ARMH4: variants seen among roughly 807,000 people sequenced by gnomAD.
The protein encoded by ARMH4 is armadillo like helical domain containing 4.
A neutral mutation model predicts 61.9 loss-of-function variants in ARMH4; 49 were observed. The ratio of observed to expected loss-of-function variants is 0.79; its 90% CI spans 0.63 to 1.00. ARMH4 has a LOEUF of 1.00. Among genes scored for constraint, ARMH4 ranks in the 50% least tolerant of loss-of-function variants. ARMH4 has a pLI of 0.00. For missense variants in ARMH4, 934 were observed against 930.0 expected (o/e 1.00, Z -0.06); for synonymous variants, 368 against 341.5 (o/e 1.08, Z -0.85).
At chr14:58,038,745 T>C (rs1407355502) in intron 5 of ARMH4, among the ~76,000 whole-genome samples, 1 of 152,190 alleles carries the variant, frequency 6.6e-6, no homozygotes, top group Admixed American at 6.5e-5. Flanking sequence ...CTGTGACAAC[T>C]ATAATGTGAT....
chr14:58,111,168 C>T (rs1886342277), intron 4 of ARMH4, among the ~76,000 whole-genome samples: 1 of 152,114 alleles, frequency 6.6e-6, no homozygotes, highest in Non-Finnish European at 1.5e-5. Context: ...TCAAGGAATG[C>T]TTTTGTCTCA....
rs1887184709 is a variant in ARMH4, at chr14:58,133,257, A to G, written c.1454T>C (p.Leu485Pro). 6.2e-7 allele frequency: 1 copy of G among 1,613,962 alleles called. No homozygotes were observed. Among genetic ancestry groups the G allele is most frequent in the Admixed American group, 1.7e-5 (1 of 59,976 alleles). Residue 485 changes from leucine (L) to proline (P), a missense_variant, in exon 3 of 8, where the codon CTC becomes CCC. Coordinates refer to ENST00000267485, the MANE Select transcript of ARMH4 (RefSeq NM_001001872.4). ...SMVTQEQVAT[L>P]ELIRDSGKTE... ...CTTGCCACTGTCTCTGATAAGCTCG[A>G]GGGTAGCAACCTGCTCTTGTGTCAC...
intron 4 of ARMH4, among the ~76,000 whole-genome samples, chr14:58,105,323 G>A (rs1456325179): frequency 6.6e-6 from 1 of 152,096 alleles, no homozygotes. Flanking sequence ...ATGGGGTCAA[G>A]GTAAAAGACA....
At chr14:58,007,597 A>G (rs1882226958) in intron 6 of ARMH4, among the ~76,000 whole-genome samples, 1 of 152,254 alleles carries the variant, frequency 6.6e-6, no homozygotes, top group Admixed American at 6.5e-5. Context: ...ATCTTAAGAT[A>G]TAATTTAACT....
intron 1 of ARMH4, among the ~76,000 whole-genome samples, chr14:58,142,408 G>A (rs1887594867): frequency 6.6e-6 from 1 of 152,144 alleles, no homozygotes; most frequent in South Asian, 2.1e-4. Flanking sequence ...CATGGCTGAA[G>A]ACAAAAAGAA....
chr14:58,125,809 G>C (rs1394200181), intron 4 of ARMH4, among the ~76,000 whole-genome samples: 1 of 152,172 alleles, frequency 6.6e-6, no homozygotes, highest in East Asian at 1.9e-4. Context: ...TTCCTGTTGA[G>C]AGCGGGGACT....
intron 5 of ARMH4, among the ~76,000 whole-genome samples, chr14:58,085,406 A>C (rs953661764): frequency 6.6e-6 from 1 of 151,698 alleles, no homozygotes; most frequent in South Asian, 2.1e-4. Context: ...TATTTCAATA[A>C]TTCCCCAACT....
At chr14:58,101,572 C>A (rs548473294) in intron 4 of ARMH4, 1 of 151,846 alleles carries the variant, frequency 6.6e-6, no homozygotes, top group African/African-American at 2.4e-5. Context: ...AGGTAATAGT[C>A]AATCCATAAA....
At chr14:58,004,953 C>A (rs1882106808) in intron 7 of ARMH4, 95 bp downstream of exon 7, 2 of 1,572,940 alleles carry the variant, frequency 1.3e-6, no homozygotes, top group East Asian at 2.2e-5. Context: ...CAATACCACC[C>A]AAGCATCATT....
chr14:58,128,065 C>A (rs941745234), intron 4 of ARMH4, among the ~76,000 whole-genome samples: 1 of 152,130 alleles, frequency 6.6e-6, no homozygotes, highest in Non-Finnish European at 1.5e-5. Flanking sequence ...GATTAATTTC[C>A]ATCTTCCATG....
chr14:58,047,718 GAAGT>G (rs1883989602), intron 5 of ARMH4, among the ~76,000 whole-genome samples: 1 of 152,166 alleles, frequency 6.6e-6, no homozygotes, highest in African/African-American at 2.4e-5. Context: ...CCTGCTCCAA[GAAGT>G]AAGAATCTGA....
chr14:58,053,252 C>T (rs1034155653), intron 5 of ARMH4, among the ~76,000 whole-genome samples: 4 of 152,230 alleles, frequency 2.6e-5, no homozygotes, highest in African/African-American at 9.6e-5. Context: ...TCAAGGAGAA[C>T]ATTAGCATAT....
intron 4 of ARMH4, among the ~76,000 whole-genome samples, chr14:58,127,675 A>G (rs1252743048): frequency 1.3e-5 from 2 of 152,314 alleles, no homozygotes; most frequent in African/African-American, 4.8e-5. Context: ...CAGATGAGGA[A>G]CACTGGAATT....
chr14:58,075,500 G>A lies in ARMH4; in HGVS notation c.2089+21224C>T, dbSNP rs1384703110. Among the ~76,000 whole-genome samples, 7 of 152,040 alleles carry A rather than the reference G, an allele frequency of 4.6e-5. No homozygotes were observed. In the East Asian group the frequency reaches 1.2e-3, roughly 25 times the overall value. On this transcript the variant is annotated intron_variant, in intron 5 of 7. Coordinates refer to ENST00000267485, the MANE Select transcript of ARMH4 (RefSeq NM_001001872.4). ...GCATCATTCTCAGCAAACTAACACA[G>A]GAACAGAAAACCAAACACCACATGT...
intron 5 of ARMH4, among the ~76,000 whole-genome samples, chr14:58,043,270 T>A (rs112537957): frequency 5.2e-4 from 79 of 152,256 alleles, no homozygotes; most frequent in African/African-American, 1.8e-3. Context: ...TCAAGTGGGC[T>A]TCATCCCTGG....
rs1032297706 is a variant in ARMH4 at position 58,011,767 on chromosome 14, A to G, written c.2121+352T>C. ...CACACCTAGAGAGTCTCATATTAGA[A>G]AAAAAAAAAAAAAAACAGATGGAAT... On this transcript the variant is annotated intron_variant, in intron 6 of 7. Coordinates refer to ENST00000267485, the MANE Select transcript of ARMH4 (RefSeq NM_001001872.4). Among the ~76,000 whole-genome samples, 5 of 81,240 alleles carry G rather than the reference A, an allele frequency of 6.2e-5. 1 individual carries two copies. The highest frequency in any genetic ancestry group is 1.4e-4 in the African/African-American group (4 of 29,600). The allele number at this position is 81,240 out of a possible 152,430, so 53.3% of individuals were successfully genotyped here.
At chr14:58,057,496 C>T (rs1459989369) in intron 5 of ARMH4, among the ~76,000 whole-genome samples, 1 of 152,106 alleles carries the variant, frequency 6.6e-6, no homozygotes, top group African/African-American at 2.4e-5. Flanking sequence ...AGAATTCAAA[C>T]CTAGGTGTTA....
chr14:58,032,560 G>A lies in ARMH4; in HGVS notation c.2090-20410C>T, dbSNP rs560226229. Among the ~76,000 whole-genome samples the A allele has an allele frequency of 2.0e-4, 30 of 152,286 alleles. No individual in the cohort carries two copies. The South Asian group carries it at 4.6e-3, about 23-fold the overall frequency. The stretch of plus-strand genomic sequence containing the variant: ...ACTTAGGGGAGGAGCCAAGATGGCC[G>A]AATAGGAACAGCTCTGGTCTACAGC... On this transcript the variant is annotated intron_variant, in intron 5 of 7. Coordinates refer to ENST00000267485, the MANE Select transcript of ARMH4 (RefSeq NM_001001872.4).
intron 5 of ARMH4, among the ~76,000 whole-genome samples, chr14:58,045,591 C>G (rs1168292893): frequency 6.6e-6 from 1 of 151,238 alleles, no homozygotes; most frequent in African/African-American, 2.4e-5. Context: ...TGCACATGTA[C>G]CCTAGAACTT....
Sources: gnomAD v4.1 joint callset for allele counts (sites outside exome capture counted in the v4.1 genomes callset) on GRCh38, gnomAD v4.1.1 for gene constraint, MANE v1.5 for transcripts, NCBI Gene and HGNC (gene_info 2026-07-23, HGNC 2026-07-21) for gene names.